Variants in CCDC93 observed in about 807,000 individuals in gnomAD.
CCDC93 encodes the protein CCC complex scaffolding subunit CCDC93.
Under a neutral mutation model 108.2 loss-of-function variants are expected in CCDC93, and 61 were observed. The ratio of observed to expected loss-of-function variants is 0.56; its 90% CI spans 0.46 to 0.70. CCDC93 has a LOEUF of 0.70. Ranked by LOEUF, CCDC93 falls within the 30% of genes least tolerant of loss-of-function variation. The pLI is 0.00. For synonymous variants in CCDC93, 276 were observed against 260.4 expected (o/e 1.06, Z -0.58); for missense variants, 685 against 764.2 (o/e 0.90, Z 1.22).
intron 21 of CCDC93, 137 bp from the exon 22 acceptor site, chr2:117,935,716 C>A: frequency 1.2e-5 from 6 of 504,088 alleles, no homozygotes; most frequent in Admixed American, 1.1e-4. Flanking sequence ...AGTGGAGCCA[C>A]GGGGGCCCCT....
chr2:118,008,999 T>C (rs1393692299), intron 1 of CCDC93: 6 of 186,838 alleles, frequency 3.2e-5, no homozygotes, highest in Non-Finnish European at 6.7e-5. Context: ...TGGTTTACTT[T>C]GACAGTCTTC....
intron 8 of CCDC93, 76 bp from the exon 9 acceptor site, chr2:117,975,356 G>A (rs1679909384): frequency 1.9e-6 from 2 of 1,063,936 alleles, no homozygotes; most frequent in South Asian, 1.3e-5. Context: ...CTGACAAGAG[G>A]CATGAGTCTG....
In CCDC93 at chr2:118,008,677, C is replaced by G. The variant is rs1258317135; in HGVS notation, c.43-19G>C. ...TTTCCACCTAAAATAAAAGGTAAAA[C>G]TTTGGCTGGTAAAAGATATGCTGAA... is the stretch of plus-strand genomic sequence containing the variant. On this transcript the variant is annotated intron_variant, in intron 1 of 23. Coordinates refer to ENST00000376300, the MANE Select transcript of CCDC93 (RefSeq NM_019044.5). 6.5e-7 allele frequency: 1 copy of G among 1,530,504 alleles called. No individual in the cohort carries two copies. The highest frequency in any genetic ancestry group is 9.0e-7 in the Non-Finnish European group (1 of 1,106,164). 94.8% of individuals were successfully genotyped at this position (1,530,504 alleles called of 1,614,324 possible).
At chr2:117,990,483 G>T (rs758199688) in intron 6 of CCDC93, among the ~76,000 whole-genome samples, 1 of 152,220 alleles carries the variant, frequency 6.6e-6, no homozygotes, top group Non-Finnish European at 1.5e-5. Context: ...GTTCACAGCG[G>T]CCTTTCTGCC....
intron 1 of CCDC93, among the ~76,000 whole-genome samples, chr2:118,010,756 A>G (rs923328492): frequency 1.2e-4 from 18 of 152,144 alleles, no homozygotes; most frequent in Non-Finnish European, 2.4e-4. Context: ...CCACCAAACT[A>G]TCTTTTCAGG....
At chr2:117,944,658 A>G (rs756282226) in intron 17 of CCDC93, 3 of 461,152 alleles carry the variant, frequency 6.5e-6, no homozygotes, top group Non-Finnish European at 1.4e-5. Context: ...CCTCAGAGAA[A>G]GTTACAAAAG....
chr2:118,008,115 A>G (rs1456292303), intron 2 of CCDC93, among the ~76,000 whole-genome samples: 1 of 152,224 alleles, frequency 6.6e-6, no homozygotes, highest in East Asian at 1.9e-4. Flanking sequence ...TGCTGAATTA[A>G]AAGATTTCAT....
At chr2:117,995,347 C>G (rs746265839) in intron 6 of CCDC93, 99 bp downstream of exon 6, 1 of 945,692 alleles carries the variant, frequency 1.1e-6, no homozygotes, top group Admixed American at 1.9e-5. Flanking sequence ...AAGCGATCCC[C>G]GTAGATGGAA....
chr2:117,923,860 C>G (rs535816518), intron 23 of CCDC93, among the ~76,000 whole-genome samples: 3 of 152,148 alleles, frequency 2.0e-5, no homozygotes, highest in Non-Finnish European at 4.4e-5. Context: ...CCCGAGTAGC[C>G]AAACTGGGAG....
At chr2:117,950,766 G>C in intron 13 of CCDC93, 2 of 985,344 alleles carry the variant, frequency 2.0e-6, no homozygotes, top group South Asian at 4.7e-5. Flanking sequence ...GTTTTATACA[G>C]CTTCCCATTT....
chr2:117,935,629 AG>A, intron 21 of CCDC93, 50 bp from the exon 22 acceptor site: 2 of 1,336,348 alleles, frequency 1.5e-6, no homozygotes, highest in Non-Finnish European at 1.1e-6. Context: ...ACTCTGAGGC[AG>A]GGGGAAATGC....
chr2:117,971,793 T>A (rs1398882798), intron 11 of CCDC93, among the ~76,000 whole-genome samples: 1 of 152,178 alleles, frequency 6.6e-6, no homozygotes, highest in East Asian at 1.9e-4. Context: ...ACTATGAAGA[T>A]CTGGGAACAA....
intron 13 of CCDC93, chr2:117,950,010 A>G (rs1679002928): frequency 2.0e-6 from 2 of 985,338 alleles, no homozygotes; most frequent in African/African-American, 3.5e-5. Flanking sequence ...GCTGGTGCTT[A>G]AGTCTCAGAG....
intron 7 of CCDC93, among the ~76,000 whole-genome samples, chr2:117,980,873 C>T (rs980565722): frequency 6.6e-6 from 1 of 152,170 alleles, no homozygotes; most frequent in African/African-American, 2.4e-5. Flanking sequence ...CTTCCCAGCC[C>T]TTGGCTACCA....
intron 11 of CCDC93, among the ~76,000 whole-genome samples, chr2:117,959,496 A>T (rs1223673358): frequency 6.6e-6 from 1 of 152,222 alleles, no homozygotes; most frequent in Non-Finnish European, 1.5e-5. Flanking sequence ...TTGAAAGTCT[A>T]AGATATTTAC....
chr2:118,008,861 T>G, intron 1 of CCDC93: 1 of 542,226 alleles, frequency 1.8e-6, no homozygotes, highest in Non-Finnish European at 3.3e-6. Flanking sequence ...TCCGCGGTCC[T>G]CAACGGGCTG....
At chr2:117,930,030 G>C (rs1310732215) in intron 23 of CCDC93, among the ~76,000 whole-genome samples, 1 of 152,222 alleles carries the variant, frequency 6.6e-6, no homozygotes, top group Admixed American at 6.5e-5. Context: ...CATCTGCCCA[G>C]GGGTATAGTA....
At chr2:117,947,700 T>TG in intron 15 of CCDC93, among the ~76,000 whole-genome samples, 1 of 149,648 alleles carries the variant, frequency 6.7e-6, no homozygotes, top group East Asian at 2.0e-4. Context: ...CTGCTTTTTT[T>TG]TTTTTTTTTT....
At chr2:117,944,001 AT>A (rs1298801879) in intron 18 of CCDC93, 22 bp downstream of exon 18, 4 of 1,536,138 alleles carry the variant, frequency 2.6e-6, no homozygotes, top group African/African-American at 1.4e-5. Context: ...ATTTATGCAT[AT>A]TTTTGTCCTT....
Sources: allele counts gnomAD v4.1 joint callset (sites outside exome capture counted in the v4.1 genomes callset), GRCh38; gene constraint gnomAD v4.1.1; transcripts MANE v1.5; gene names NCBI Gene and HGNC (gene_info 2026-07-23, HGNC 2026-07-21).